The following KYAT1 variants were observed in gnomAD, a reference collection of about 807,000 sequenced individuals.
KYAT1 encodes the protein kynurenine--oxoglutarate transaminase 1.
Under a neutral mutation model 52.4 loss-of-function variants are expected in KYAT1, and 47 were observed. That is an observed-to-expected ratio of 0.90 (90% confidence interval 0.71 to 1.14). The LOEUF (loss-of-function observed/expected upper bound fraction) is 1.14, where lower values mean the gene tolerates loss of function less well. Among genes scored for constraint, KYAT1 ranks in the 50% most tolerant of loss-of-function variants. The pLI is 0.00. For missense variants in KYAT1, 480 were observed against 557.9 expected, an observed-to-expected ratio of 0.86 and a Z score of 1.41; for synonymous variants, 212 against 209.6, an observed-to-expected ratio of 1.01 and a Z score of -0.10.
intron 11 of KYAT1, among the ~76,000 whole-genome samples, chr9:128,834,666 A>G (rs1257841756): frequency 2.0e-5 from 3 of 151,856 alleles, no homozygotes; most frequent in Non-Finnish European, 2.9e-5. Flanking sequence ...TCTACTAAAA[A>G]TACAAAAATT....
intron 1 of KYAT1, among the ~76,000 whole-genome samples, chr9:128,852,409 G>C (rs1363542217): frequency 6.6e-6 from 1 of 152,186 alleles, no homozygotes; most frequent in Non-Finnish European, 1.5e-5. Context: ...TAAAGAACCA[G>C]CCAGGTTTTA....
intron 1 of KYAT1, among the ~76,000 whole-genome samples, chr9:128,850,994 TCTC>T (rs1376674261): frequency 6.6e-6 from 1 of 152,116 alleles, no homozygotes; most frequent in East Asian, 1.9e-4. Flanking sequence ...TTGCTGAACT[TCTC>T]CTTATTATCA....
intron 1 of KYAT1, among the ~76,000 whole-genome samples, chr9:128,873,511 T>C (rs948887959): frequency 6.6e-6 from 1 of 152,176 alleles, no homozygotes; most frequent in African/African-American, 2.4e-5. Context: ...GGCTCACTCC[T>C]GTAATCCCAG....
chr9:128,851,143 C>G (rs998922509), intron 1 of KYAT1, among the ~76,000 whole-genome samples: 4 of 152,170 alleles, frequency 2.6e-5, no homozygotes, highest in African/African-American at 9.7e-5. Flanking sequence ...ACTGTTGTTT[C>G]TCTACACTTT....
Position 128,836,875 on chromosome 9 carries a change from CT to C in KYAT1, c.614del (p.Gln205ArgfsTer36). 3.7e-6 allele frequency: 6 copies of C among 1,613,948 alleles called. No individual in the cohort carries two copies. The highest frequency in any genetic ancestry group is 5.1e-6 in the Non-Finnish European group (6 of 1,179,998). ...ELELVASLCQ[Q>X]HDVVCITDEV... ...CATCAGTGATACACACCACGTCATG[CT>C]GCTGGCAAAGGCTGGCCACCAGCTC... On this transcript the variant is annotated frameshift_variant, in exon 7 of 13. Transcript: ENST00000302586. LOFTEE classifies it high-confidence loss of function.
chr9:128,849,768 C>T (rs940752611), intron 1 of KYAT1, among the ~76,000 whole-genome samples: 7 of 144,728 alleles, frequency 4.8e-5, no homozygotes, highest in African/African-American at 1.8e-4. Context: ...TGCACTCCAG[C>T]CTGGGAGACA....
chr9:128,857,434 G>A (rs149308075), intron 1 of KYAT1, among the ~76,000 whole-genome samples: 3 of 152,332 alleles, frequency 2.0e-5, no homozygotes, highest in South Asian at 2.1e-4. Flanking sequence ...ACCCACAGGT[G>A]TGGAGGGACA....
intron 1 of KYAT1, among the ~76,000 whole-genome samples, chr9:128,865,330 TATATATATATATA>T (rs1564491443): frequency 0.017 from 41 of 2,456 alleles, 4 homozygotes; most frequent in African/African-American, 0.034. Context: ...TATATATATA[TATATATATATATA>T]TATATATATA....
intron 11 of KYAT1, 50 bp from the exon 12 acceptor site, chr9:128,833,876 C>T (rs767886730): frequency 5.3e-6 from 8 of 1,522,102 alleles, no homozygotes; most frequent in Non-Finnish European, 7.3e-6. Flanking sequence ...GCCCAGCAGG[C>T]CTTGGCTCCG....
intron 1 of KYAT1, among the ~76,000 whole-genome samples, 166 bp downstream of exon 1, chr9:128,881,731 G>T (rs1838949206): frequency 6.6e-6 from 1 of 152,338 alleles, no homozygotes; most frequent in Admixed American, 6.5e-5. Context: ...AGCACGCGCA[G>T]TTGATTCCCG....
At chr9:128,882,281 A>T (rs1359199709), upstream of KYAT1, 2 of 153,450 alleles carry the variant, frequency 1.3e-5, no homozygotes, top group Non-Finnish European at 2.9e-5. Flanking sequence ...AAGGGGCGCG[A>T]GCTGTCACCT....
At chr9:128,847,780 C>T (rs1438836509) in intron 1 of KYAT1, 14 of 398,402 alleles carry the variant, frequency 3.5e-5, no homozygotes, top group Non-Finnish European at 5.4e-5. Flanking sequence ...TACAATACAC[C>T]CCCCAGCAAC....
At chr9:128,874,210 C>T (rs1387777114) in intron 1 of KYAT1, among the ~76,000 whole-genome samples, 1 of 149,466 alleles carries the variant, frequency 6.7e-6, no homozygotes, top group East Asian at 2.0e-4. Flanking sequence ...GAGCCGAGAT[C>T]ACGCCACTGC....
At chr9:128,841,428 A>AGGAGGC (rs376433877) in intron 3 of KYAT1, among the ~76,000 whole-genome samples, 2,056 of 151,822 alleles carry the variant, frequency 0.014, 42 homozygotes, top group East Asian at 0.049. Context: ...GCTTGAACCC[A>AGGAGGC]GGAGGCGGAG....
intron 1 of KYAT1, among the ~76,000 whole-genome samples, chr9:128,870,552 G>A (rs1195414701): frequency 6.6e-6 from 1 of 152,152 alleles, no homozygotes; most frequent in Middle Eastern, 3.2e-3. Flanking sequence ...TGGGAGGATC[G>A]CTTGAGCCTG....
intron 1 of KYAT1, among the ~76,000 whole-genome samples, chr9:128,846,013 C>T (rs1165247730): frequency 6.6e-6 from 1 of 152,218 alleles, no homozygotes; most frequent in African/African-American, 2.4e-5. Context: ...AAGGCCATGT[C>T]CTAACTCTGA....
intron 9 of KYAT1, 42 bp downstream of exon 9, chr9:128,835,737 T>C: frequency 1.9e-6 from 3 of 1,605,058 alleles, no homozygotes; most frequent in Admixed American, 3.4e-5. Context: ...TGGGCTCTTT[T>C]GTTGTCCCCC....
At position 128,835,862 on chromosome 9, in the gene KYAT1, A is replaced by G; in HGVS notation, c.772T>C (p.Trp258Arg). 2.5e-6 allele frequency: 4 copies of G among 1,614,140 alleles called. No homozygotes were observed. The highest frequency in any genetic ancestry group is 3.4e-6 in the Non-Finnish European group (4 of 1,179,994). ...TFSATGWKVG[W>R]VLGPDHIMKH... is the part of the protein sequence containing the mutation. The stretch of plus-strand genomic sequence containing the variant: ...ATGATGTGATCTGGACCCAGGACCC[A>G]GCCCACCTGCAGCAGGGGCGCAGGT... Residue 258 changes from tryptophan to arginine, a missense_variant, in exon 9 of 13, where the codon TGG becomes CGG. By Grantham distance (101) the Trp-to-Arg change is moderately radical. Coordinates refer to ENST00000302586, the MANE Select transcript of KYAT1 (RefSeq NM_004059.5).
At chr9:128,865,253 A>AG (rs1836049342) in intron 1 of KYAT1, among the ~76,000 whole-genome samples, 1 of 139,368 alleles carries the variant, frequency 7.2e-6, no homozygotes, top group Non-Finnish European at 1.5e-5. Flanking sequence ...ACCAAAAAAA[A>AG]AAAAAAAGGC....
Sources: gnomAD v4.1 joint callset for allele counts (sites outside exome capture counted in the v4.1 genomes callset) on GRCh38, gnomAD v4.1.1 for gene constraint, MANE v1.5 for transcripts, NCBI Gene and HGNC (gene_info 2026-07-23, HGNC 2026-07-21) for gene names.